LGSN: variants seen among roughly 807,000 people sequenced by gnomAD.
LGSN encodes lengsin.
A neutral mutation model predicts 19.5 loss-of-function variants in LGSN; 21 were observed. The observed-to-expected ratio is 1.07, with a 90% confidence interval of 0.76 to 1.55. The LOEUF (loss-of-function observed/expected upper bound fraction) is 1.55, where lower values mean the gene tolerates loss of function less well. Among genes scored for constraint, LGSN ranks in the 40% most tolerant of loss-of-function variants. LGSN has a pLI of 0.00. For synonymous variants in LGSN, 257 were observed against 215.6 expected, an observed-to-expected ratio of 1.19 and a Z score of -1.68; for missense variants, 673 against 608.5, an observed-to-expected ratio of 1.11 and a Z score of -1.12.
At chr6:63,327,827 G>T in the LGSN span, among the ~76,000 whole-genome samples, 1 of 150,970 alleles carries the variant, frequency 6.6e-6, no homozygotes, top group Non-Finnish European at 1.5e-5. Flanking sequence ...CCTTCTTGCT[G>T]GTCTTTCCCT....
the LGSN span, among the ~76,000 whole-genome samples, chr6:63,553,338 A>G: frequency 2.3e-4 from 35 of 152,318 alleles, 1 homozygote; most frequent in East Asian, 6.4e-3. Context: ...TCGGGTTCAG[A>G]TAGAATCTCC....
At chr6:63,288,226 C>CAAAAAAAA (rs1358876693) in intron 2 of LGSN, among the ~76,000 whole-genome samples, 4 of 108,228 alleles carry the variant, frequency 3.7e-5, no homozygotes, top group African/African-American at 1.2e-4. Flanking sequence ...GACTCCATCT[C>CAAAAAAAA]AAAAAAATAA....
At chr6:63,362,747 C>A in the LGSN span, among the ~76,000 whole-genome samples, 1 of 152,156 alleles carries the variant, frequency 6.6e-6, no homozygotes, top group Non-Finnish European at 1.5e-5. Flanking sequence ...GCCTGCCTGC[C>A]TCTGTAGACT....
chr6:63,492,413 C>T, the LGSN span, among the ~76,000 whole-genome samples: 1 of 152,194 alleles, frequency 6.6e-6, no homozygotes, highest in Non-Finnish European at 1.5e-5. Flanking sequence ...TAACTATATG[C>T]TAATTCCTTT....
At chr6:63,472,729 A>ATG in the LGSN span, among the ~76,000 whole-genome samples, 1 of 151,856 alleles carries the variant, frequency 6.6e-6, no homozygotes, top group Non-Finnish European at 1.5e-5. Context: ...TCATGAGGAC[A>ATG]GGAGATCGAA....
the LGSN span, among the ~76,000 whole-genome samples, chr6:63,422,905 A>G: frequency 6.6e-6 from 1 of 152,238 alleles, no homozygotes; most frequent in African/African-American, 2.4e-5. Context: ...AAATACCCCA[A>G]TTAAAAGACA....
the LGSN span, among the ~76,000 whole-genome samples, chr6:63,550,131 C>T: frequency 6.6e-6 from 1 of 151,968 alleles, no homozygotes; most frequent in African/African-American, 2.4e-5. Context: ...AAAAGAAAAA[C>T]TTTAAAACTG....
chr6:63,461,364 T>C, the LGSN span, among the ~76,000 whole-genome samples: 1 of 152,202 alleles, frequency 6.6e-6, no homozygotes, highest in Non-Finnish European at 1.5e-5. Context: ...GTCTGTGCTC[T>C]TTTGGTTTTC....
Position 63,281,057 on chromosome 6 carries a change from G to C in LGSN, c.494C>G (p.Thr165Ser). 1 of 1,613,936 alleles carries C rather than the reference G, an allele frequency of 6.2e-7. No homozygotes were observed. The highest frequency in any genetic ancestry group is 8.5e-7 in the Non-Finnish European group (1 of 1,179,948). Residue 165 changes from threonine (T) to serine (S), a missense_variant, in exon 4 of 4, where the codon ACT (threonine) becomes AGT (serine). Physicochemically the swap from Thr to Ser is moderately conservative, Grantham distance 58. Transcript: ENST00000370657. ...TFRVLPWADR[T>S]ARVICDTFTV... ...GAAGGTATCACATATCACTCTTGCA[G>C]TTCTGTCAGCCCATGGCAAAACTCT...
At chr6:63,317,079 C>T (rs958825019) in intron 1 of LGSN, among the ~76,000 whole-genome samples, 6 of 151,954 alleles carry the variant, frequency 3.9e-5, no homozygotes, top group Non-Finnish European at 8.8e-5. Flanking sequence ...GTTATCATTA[C>T]TATCATAAGC....
the LGSN span, among the ~76,000 whole-genome samples, chr6:63,531,210 G>A: frequency 1.3e-5 from 2 of 152,150 alleles, no homozygotes; most frequent in East Asian, 3.9e-4. Flanking sequence ...CTGGTTCACA[G>A]CCAATGGGCA....
At chr6:63,420,598 C>T in the LGSN span, among the ~76,000 whole-genome samples, 1 of 152,188 alleles carries the variant, frequency 6.6e-6, no homozygotes, top group African/African-American at 2.4e-5. Flanking sequence ...AGCCAGAATT[C>T]ACAGACTACC....
the LGSN span, among the ~76,000 whole-genome samples, chr6:63,328,674 T>C: frequency 6.6e-6 from 1 of 152,240 alleles, no homozygotes; most frequent in South Asian, 2.1e-4. Context: ...CCAAGAGCTA[T>C]CCTGGCTCTC....
At chr6:63,364,941 T>C in the LGSN span, among the ~76,000 whole-genome samples, 1 of 152,116 alleles carries the variant, frequency 6.6e-6, no homozygotes, top group Admixed American at 6.6e-5. Flanking sequence ...AAGCAGTGTG[T>C]AGAGGGAAAT....
the LGSN span, among the ~76,000 whole-genome samples, chr6:63,440,073 C>T: frequency 6.6e-6 from 1 of 152,182 alleles, no homozygotes; most frequent in Non-Finnish European, 1.5e-5. Context: ...CTAAAACAGT[C>T]TTCTAAGTCC....
chr6:63,317,895 G>A lies in LGSN; in HGVS notation c.30+2019C>T, dbSNP rs7750464. The stretch of plus-strand genomic sequence containing the variant: ...TGAGTTATAAATATCTGCAGGGTGG[G>A]GAACAGATCTTACTCACTTGACATA... On this transcript the variant is annotated intron_variant, in intron 1 of 3. Coordinates refer to ENST00000370657, the MANE Select transcript of LGSN (RefSeq NM_016571.3). Among the ~76,000 whole-genome samples the A allele has an allele frequency of 3.0e-3, 453 of 152,192 alleles. 3 individuals are homozygous for A. Among genetic ancestry groups the A allele is most frequent in the African/African-American group, 0.01 (422 of 41,532 alleles).
At chr6:63,549,322 A>G in the LGSN span, 1 of 753,714 alleles carries the variant, frequency 1.3e-6, no homozygotes, top group Non-Finnish European at 2.4e-6. Flanking sequence ...TGCCGCTGCA[A>G]CCTGATATAG....
intron 2 of LGSN, among the ~76,000 whole-genome samples, chr6:63,288,896 C>G (rs1767657778): frequency 6.6e-6 from 1 of 152,236 alleles, no homozygotes; most frequent in Admixed American, 6.5e-5. Context: ...AAGAACGTAT[C>G]TCCAAATTCA....
At chr6:63,309,133 T>C (rs957791487) in intron 1 of LGSN, among the ~76,000 whole-genome samples, 6 of 152,100 alleles carry the variant, frequency 3.9e-5, no homozygotes, top group African/African-American at 1.4e-4. Flanking sequence ...GATTTACCAT[T>C]TAAAAATAAG....
Sources: allele counts gnomAD v4.1 joint callset (sites outside exome capture counted in the v4.1 genomes callset), GRCh38; gene constraint gnomAD v4.1.1; transcripts MANE v1.5; gene names NCBI Gene and HGNC (gene_info 2026-07-23, HGNC 2026-07-21).